The following CNTN4 variants were observed in gnomAD, a reference collection of about 807,000 sequenced individuals.
CNTN4 encodes the protein contactin-4.
CNTN4 carries 77 observed loss-of-function variants against 122.5 expected under a neutral mutation model. The ratio of observed to expected loss-of-function variants is 0.63; its 90% confidence interval spans 0.52 to 0.76. The LOEUF (loss-of-function observed/expected upper bound fraction) is 0.76, where lower values mean the gene tolerates loss of function less well. Ranked by LOEUF, CNTN4 falls within the 30% of genes least tolerant of loss-of-function variation. The pLI is 0.00. For synonymous variants in CNTN4, 512 were observed against 447.0 expected (o/e 1.15, Z -1.83); for missense variants, 1,256 against 1,259.1 (o/e 1.00, Z 0.04).
intron 4 of CNTN4, among the ~76,000 whole-genome samples, chr3:2,702,971 T>C (rs2086443287): frequency 1.3e-5 from 2 of 152,230 alleles, no homozygotes; most frequent in Admixed American, 1.3e-4. Context: ...CCTTTCTTGA[T>C]ATTCTCAGGA....
At chr3:2,363,805 G>A (rs2045261216) in intron 3 of CNTN4, among the ~76,000 whole-genome samples, 1 of 152,140 alleles carries the variant, frequency 6.6e-6, no homozygotes. Context: ...CTTCAAGGTG[G>A]TATTGATAGC....
rs113639880 is a variant in CNTN4, at chr3:2,385,747, C to T, written c.-89+46514C>T. On this transcript the variant is annotated intron_variant, in intron 3 of 24. Coordinates refer to ENST00000418658, the MANE Select transcript of CNTN4 (RefSeq NM_175607.3). The surrounding 1 kb of genome is among the most constrained non-coding windows in gnomAD (Gnocchi z 4.0). ...TTCCTCTTCTCATAAGGACATAAGTCTTATTGGATATGACCTATCCTAATG... is the reference window on the plus strand; with the variant it reads ...TTCCTCTTCTCATAAGGACATAAGTTTTATTGGATATGACCTATCCTAATG... 1.4e-3 allele frequency among the ~76,000 whole-genome samples: 207 copies of T among 152,124 alleles called. 3 individuals carry two copies. The Middle Eastern group carries it at 0.027, about 20-fold the overall frequency.
chr3:2,409,124 A>C (rs1473053267), intron 3 of CNTN4, among the ~76,000 whole-genome samples: 1 of 152,174 alleles, frequency 6.6e-6, no homozygotes, highest in Non-Finnish European at 1.5e-5. Context: ...ATAGCTTTGG[A>C]ATCATCTTCT....
At chr3:2,478,913 A>G (rs1366196785) in intron 3 of CNTN4, among the ~76,000 whole-genome samples, 1 of 152,046 alleles carries the variant, frequency 6.6e-6, no homozygotes, top group Non-Finnish European at 1.5e-5. Context: ...TAATTATATT[A>G]TATTTATACT....
intron 3 of CNTN4, among the ~76,000 whole-genome samples, chr3:2,360,225 G>A (rs1390955315): frequency 6.6e-6 from 1 of 152,130 alleles, no homozygotes; most frequent in Non-Finnish European, 1.5e-5. Flanking sequence ...TATTCTGTTT[G>A]AGAACTTCTA....
At chr3:2,977,030 C>A (rs1436509427) in intron 13 of CNTN4, among the ~76,000 whole-genome samples, 1 of 152,218 alleles carries the variant, frequency 6.6e-6, no homozygotes, top group Non-Finnish European at 1.5e-5. Context: ...TCAGCTCTTG[C>A]AGTCACAGGC....
intron 3 of CNTN4, among the ~76,000 whole-genome samples, chr3:2,444,825 A>G (rs1284663228): frequency 6.6e-6 from 1 of 152,020 alleles, no homozygotes; most frequent in South Asian, 2.1e-4. Context: ...TTTATTAAAA[A>G]CAAAGCATTT....
chr3:2,918,807 A>G (rs1036982710), intron 12 of CNTN4, among the ~76,000 whole-genome samples: 1 of 152,208 alleles, frequency 6.6e-6, no homozygotes, highest in Non-Finnish European at 1.5e-5. Flanking sequence ...AGAGGATGTC[A>G]TGTCCTGTAC....
chr3:2,179,494 G>T (rs1333884716), intron 2 of CNTN4, among the ~76,000 whole-genome samples: 1 of 151,898 alleles, frequency 6.6e-6, no homozygotes, highest in Non-Finnish European at 1.5e-5. Flanking sequence ...CCCTGTAGTA[G>T]CTATAACAAA....
intron 2 of CNTN4, among the ~76,000 whole-genome samples, chr3:2,108,954 C>T (rs2032708642): frequency 6.6e-6 from 1 of 152,116 alleles, no homozygotes. Flanking sequence ...CAATTACACT[C>T]AGAGAATACA....
At chr3:2,894,815 C>T (rs970574944) in intron 10 of CNTN4, among the ~76,000 whole-genome samples, 7 of 152,192 alleles carry the variant, frequency 4.6e-5, no homozygotes, top group African/African-American at 1.7e-4. Flanking sequence ...TTTTGAAAAT[C>T]CACATATTGC....
intron 6 of CNTN4, among the ~76,000 whole-genome samples, chr3:2,779,626 T>C (rs1037392423): frequency 2.0e-5 from 3 of 152,286 alleles, no homozygotes; most frequent in African/African-American, 2.4e-5. Flanking sequence ...CTAGATGTGA[T>C]GAACTTTGTG....
At chr3:2,373,529 C>T (rs1351949157) in intron 3 of CNTN4, among the ~76,000 whole-genome samples, 3 of 152,264 alleles carry the variant, frequency 2.0e-5, no homozygotes, top group East Asian at 3.9e-4. Context: ...CTTGATGTTG[C>T]GAAGCAAGCT....
chr3:2,796,971 G>C (rs1485619974), intron 6 of CNTN4, among the ~76,000 whole-genome samples: 1 of 152,000 alleles, frequency 6.6e-6, no homozygotes, highest in African/African-American at 2.4e-5. Context: ...TCCCAAACTG[G>C]TGAATTCTGC....
chr3:2,889,928 G>T (rs2094019822), intron 10 of CNTN4, among the ~76,000 whole-genome samples: 1 of 152,132 alleles, frequency 6.6e-6, no homozygotes, highest in African/African-American at 2.4e-5. Flanking sequence ...GCAGGGAAAT[G>T]TTTTTTTCAG....
intron 7 of CNTN4, among the ~76,000 whole-genome samples, chr3:2,847,759 C>T (rs1311331667): frequency 6.6e-6 from 1 of 152,152 alleles, no homozygotes; most frequent in Non-Finnish European, 1.5e-5. Flanking sequence ...CCCTTTGCTC[C>T]TCTCCTGAAT....
intron 3 of CNTN4, among the ~76,000 whole-genome samples, chr3:2,475,381 G>C (rs1489447769): frequency 1.3e-5 from 2 of 152,124 alleles, no homozygotes; most frequent in East Asian, 3.9e-4. Flanking sequence ...TACTCAAGAG[G>C]GTAAGGATAT....
chr3:2,759,591 C>G (rs1352479751), intron 6 of CNTN4, among the ~76,000 whole-genome samples: 1 of 151,932 alleles, frequency 6.6e-6, no homozygotes, highest in African/African-American at 2.4e-5. Flanking sequence ...CATTCATATA[C>G]AGGTTTTTTT....
Position 2,436,112 on chromosome 3 carries a change from A to G in CNTN4, c.-89+96879A>G, listed in dbSNP as rs183946300. ...AGAGCAGTAGCTGGAGCCAATTATG[A>G]CTTTATCCTTTGGCCAGTATTTTCA... On this transcript the variant is annotated intron_variant, in intron 3 of 24. Transcript: ENST00000418658. Among the ~76,000 whole-genome samples, 1,108 of 152,276 alleles carry G rather than the reference A, an allele frequency of 7.3e-3. 4 individuals carry two copies. The highest frequency in any genetic ancestry group is 0.01 in the Non-Finnish European group (707 of 68,000).
Sources: allele counts gnomAD v4.1 joint callset (sites outside exome capture counted in the v4.1 genomes callset), GRCh38; gene constraint gnomAD v4.1.1; non-coding constraint Gnocchi (gnomAD v3.1); transcripts MANE v1.5; gene names NCBI Gene and HGNC (gene_info 2026-07-23, HGNC 2026-07-21).